Variants in PDE4D observed in about 807,000 individuals in gnomAD.
PDE4D encodes the protein 3',5'-cyclic-AMP phosphodiesterase 4D.
Under a neutral mutation model 87.4 loss-of-function variants are expected in PDE4D, and 24 were observed. The observed-to-expected ratio is 0.27, with a 90% CI of 0.20 to 0.39. The LOEUF (loss-of-function observed/expected upper bound fraction) is 0.39. Among genes scored for constraint, PDE4D ranks in the 10% least tolerant of loss-of-function variants. The probability of loss-of-function intolerance (pLI) is 1.00; values close to 1 mark genes in which losing one functional copy is unlikely to be tolerated. For synonymous variants in PDE4D, 384 were observed against 383.2 expected, an observed-to-expected ratio of 1.00 and a Z score of -0.02; for missense variants, 714 against 1,041.0, an observed-to-expected ratio of 0.69 and a Z score of 4.32.
At chr5:59,310,041 A>T (rs985789940) in intron 1 of PDE4D, among the ~76,000 whole-genome samples, 1 of 152,076 alleles carries the variant, frequency 6.6e-6, no homozygotes, top group Non-Finnish European at 1.5e-5. Context: ...CCTCTAGCAG[A>T]TTCCTCAGTT....
intron 1 of PDE4D, among the ~76,000 whole-genome samples, chr5:59,285,886 T>C (rs1474141863): frequency 2.0e-5 from 3 of 152,208 alleles, no homozygotes; most frequent in African/African-American, 7.2e-5. Flanking sequence ...ATGAAAAGGC[T>C]GCATCCTGGC....
chr5:60,100,982 G>GTTT (rs1443031997), intron 2 of PDE4D, among the ~76,000 whole-genome samples: 1 of 152,046 alleles, frequency 6.6e-6, no homozygotes, highest in Non-Finnish European at 1.5e-5. Flanking sequence ...TTTGGAGCTT[G>GTTT]GCATAGACAC....
At chr5:59,035,434 T>C (rs771171462) in intron 6 of PDE4D, among the ~76,000 whole-genome samples, 1 of 152,212 alleles carries the variant, frequency 6.6e-6, no homozygotes, top group African/African-American at 2.4e-5. Context: ...CTAAGAATTA[T>C]AAAAATCCAT....
At chr5:59,525,132 C>A (rs1582980608) in intron 1 of PDE4D, among the ~76,000 whole-genome samples, 2 of 152,320 alleles carry the variant, frequency 1.3e-5, no homozygotes, top group Admixed American at 1.3e-4. Flanking sequence ...GGTAGCTCCA[C>A]CAACAGCTTG....
chr5:60,343,957 A>T (rs1758524344), intron 1 of PDE4D, among the ~76,000 whole-genome samples: 1 of 147,132 alleles, frequency 6.8e-6, no homozygotes, highest in Admixed American at 6.7e-5. Context: ...CAAATACTTA[A>T]GATGACTCAT....
chr5:59,895,807 T>C (rs1238634241), upstream of PDE4D, among the ~76,000 whole-genome samples: 3 of 152,258 alleles, frequency 2.0e-5, no homozygotes, highest in Non-Finnish European at 4.4e-5. Flanking sequence ...AAGTGACTTA[T>C]AATTTTTTTC....
chr5:60,424,392 A>G (rs1048796026), intron 1 of PDE4D, among the ~76,000 whole-genome samples: 2 of 152,226 alleles, frequency 1.3e-5, no homozygotes, highest in Non-Finnish European at 1.5e-5. Flanking sequence ...TCAAATCAAT[A>G]AACCTAATCC....
At position 59,771,478 on chromosome 5, in the gene PDE4D, A is replaced by AG. The variant is rs879905597; in HGVS notation, c.455+121689_455+121690insC. 3.7e-3 allele frequency among the ~76,000 whole-genome samples: 378 copies of AG among 102,718 alleles called. 7 individuals are homozygous for AG. Among genetic ancestry groups the AG allele is most frequent in the African/African-American group, 7.2e-3 (180 of 24,876 alleles). 67.4% of individuals were successfully genotyped at this position (102,718 alleles called of 152,430 possible). A position where few individuals can be genotyped will look rare whatever the true frequency, so the allele number is the denominator to read the frequency against. ...GAAAGAAAGAAAGAAAGAAAGAAAG[A>AG]AAGAAAGAGAGAGAGAGAGAGAAGA... On this transcript the variant is annotated intron_variant, in intron 1 of 14. Coordinates refer to ENST00000340635, the MANE Select transcript of PDE4D (RefSeq NM_001104631.2).
At chr5:59,892,932 ACACACACG>A (rs1368466828) in intron 1 of PDE4D, among the ~76,000 whole-genome samples, 1 of 142,238 alleles carries the variant, frequency 7.0e-6, no homozygotes, top group African/African-American at 2.9e-5. Context: ...ACACACACAC[ACACACACG>A]GCCCCAGTTA....
chr5:59,499,392 G>C (rs1309963287), intron 1 of PDE4D, among the ~76,000 whole-genome samples: 1 of 144,954 alleles, frequency 6.9e-6, no homozygotes, highest in Non-Finnish European at 1.5e-5. Flanking sequence ...ACTAAACCTA[G>C]AGCTAGCAGA....
intron 2 of PDE4D, among the ~76,000 whole-genome samples, chr5:60,124,414 A>G (rs1447764337): frequency 6.6e-6 from 1 of 152,132 alleles, no homozygotes; most frequent in Non-Finnish European, 1.5e-5. Context: ...TAAATTTTTA[A>G]CAGCTTCTGC....
chr5:59,792,597 A>T (rs1765934702), intron 1 of PDE4D, among the ~76,000 whole-genome samples: 1 of 152,206 alleles, frequency 6.6e-6, no homozygotes, highest in African/African-American at 2.4e-5. Flanking sequence ...AAGGAGAAGA[A>T]CGCAAGGTGG....
intron 3 of PDE4D, among the ~76,000 whole-genome samples, chr5:59,924,423 C>G (rs896094130): frequency 4.6e-5 from 7 of 152,084 alleles, no homozygotes; most frequent in Admixed American, 1.3e-4. Context: ...AAGACTACCT[C>G]AAGGCATTTA....
At chr5:59,624,737 G>A (rs971177414) in intron 1 of PDE4D, among the ~76,000 whole-genome samples, 2 of 152,068 alleles carry the variant, frequency 1.3e-5, no homozygotes, top group Non-Finnish European at 2.9e-5. Flanking sequence ...TTCTCAAATG[G>A]TAGAACTCTT....
intron 6 of PDE4D, chr5:59,000,036 C>T (rs1750169575): frequency 4.6e-6 from 2 of 430,792 alleles, no homozygotes; most frequent in Non-Finnish European, 6.2e-6. Context: ...GGTGTGGCCT[C>T]GGTGCAGGCT....
intron 1 of PDE4D, among the ~76,000 whole-genome samples, chr5:59,628,100 T>C (rs1831114817): frequency 6.6e-6 from 1 of 152,244 alleles, no homozygotes; most frequent in South Asian, 2.1e-4. Context: ...GAATTCACTA[T>C]AAATGTTAAT....
chr5:59,134,150 T>G (rs998157882), intron 5 of PDE4D, among the ~76,000 whole-genome samples: 1 of 149,358 alleles, frequency 6.7e-6, no homozygotes, highest in African/African-American at 2.5e-5. Flanking sequence ...AAAGCTAGCA[T>G]GTAAGCTGTC....
At chr5:60,357,205 A>G (rs995481932) in intron 1 of PDE4D, among the ~76,000 whole-genome samples, 2 of 151,712 alleles carry the variant, frequency 1.3e-5, no homozygotes, top group African/African-American at 4.8e-5. Context: ...GAGCTGTCCC[A>G]CAGGTTAGGT....
At chr5:59,973,276 A>G (rs934099546) in intron 3 of PDE4D, among the ~76,000 whole-genome samples, 2 of 152,072 alleles carry the variant, frequency 1.3e-5, no homozygotes, top group African/African-American at 2.4e-5. Context: ...AAAATAAAAA[A>G]CCACAATTTT....
Sources: gnomAD v4.1 joint callset for allele counts (sites outside exome capture counted in the v4.1 genomes callset) on GRCh38, gnomAD v4.1.1 for gene constraint, MANE v1.5 for transcripts, NCBI Gene and HGNC (gene_info 2026-07-23, HGNC 2026-07-21) for gene names.